PCNX1: variants seen among roughly 807,000 people sequenced by gnomAD.
The protein encoded by PCNX1 is pecanex 1.
PCNX1 carries 78 observed loss-of-function variants against 242.2 expected under a neutral mutation model. The observed-to-expected ratio is 0.32, with a 90% CI of 0.27 to 0.39. PCNX1 has a LOEUF of 0.39. PCNX1 is among the 10% of genes least tolerant of loss of function. PCNX1 has a pLI of 1.00. For synonymous variants in PCNX1, 1,024 were observed against 1,032.9 expected, an observed-to-expected ratio of 0.99 and a Z score of 0.17; for missense variants, 2,581 against 2,856.5, an observed-to-expected ratio of 0.90 and a Z score of 2.20.
chr14:71,111,658 AAGTAAAT>A lies in PCNX1; in HGVS notation c.*1727_*1733del, dbSNP rs1194219170. ...ACAGTAGAAGGAATGAAAACTAAGAAAGTAAATAGTGAACATACAGAACTTACTGCAT... is the reference window on the plus strand; with the variant it reads ...ACAGTAGAAGGAATGAAAACTAAGAAAGTGAACATACAGAACTTACTGCAT... On this transcript the variant is annotated 3_prime_UTR_variant, in exon 36 of 36. Transcript: ENST00000304743. 1 of 152,124 alleles carries A rather than the reference AAGTAAAT, an allele frequency of 6.6e-6. No homozygotes were observed. The highest frequency in any genetic ancestry group is 1.5e-5 in the Non-Finnish European group (1 of 67,960). 9.4% of individuals were successfully genotyped at this position (152,124 alleles called of 1,614,324 possible). A position where few individuals can be genotyped will look rare whatever the true frequency, so the allele number is the denominator to read the frequency against.
Position 71,057,655 on chromosome 14 carries a change from G to T in PCNX1, c.4783G>T (p.Ala1595Ser). ...CFILASDYLN[A>S]LVHLIEIGNG... ...CATCCTTGCCTCTGACTATCTCAATGCATTAGTACACCTTATAGAGATAGG... is the reference window on the plus strand; with the variant it reads ...CATCCTTGCCTCTGACTATCTCAATTCATTAGTACACCTTATAGAGATAGG... The change falls in exon 26 of 36, where the codon GCA becomes TCA. Residue 1595 changes from alanine to serine, a missense_variant. This residue lies in a region of PCNX1 where 54 missense variants were observed against 45.3 expected (regional missense o/e 1.19). Coordinates refer to ENST00000304743, the MANE Select transcript of PCNX1 (RefSeq NM_014982.3). 6.2e-7 allele frequency: 1 copy of T among 1,613,910 alleles called. No individual in the cohort carries two copies. Among genetic ancestry groups the T allele is most frequent in the Non-Finnish European group, 8.5e-7 (1 of 1,179,846 alleles).
At chr14:71,054,258 T>C (rs1433379776) in intron 24 of PCNX1, among the ~76,000 whole-genome samples, 1 of 152,248 alleles carries the variant, frequency 6.6e-6, no homozygotes, top group Non-Finnish European at 1.5e-5. Flanking sequence ...CTGTCTTATA[T>C]CCTGAATGGA....
chr14:70,982,522 C>T (rs1008255783), intron 6 of PCNX1, among the ~76,000 whole-genome samples: 2 of 152,168 alleles, frequency 1.3e-5, no homozygotes, highest in African/African-American at 4.8e-5. Flanking sequence ...ATGCTATACT[C>T]ATTGTATATG....
intron 21 of PCNX1, among the ~76,000 whole-genome samples, 180 bp downstream of exon 21, chr14:71,047,285 A>T (rs543072617): frequency 1.3e-5 from 2 of 152,114 alleles, no homozygotes; most frequent in African/African-American, 4.8e-5. Context: ...TGCTGTTGGC[A>T]TATTCTGTAC....
At chr14:71,068,443 T>C (rs1490131912) in intron 26 of PCNX1, among the ~76,000 whole-genome samples, 3 of 149,270 alleles carry the variant, frequency 2.0e-5, no homozygotes, top group Non-Finnish European at 3.0e-5. Context: ...TATGTATGTA[T>C]ATGTATATAT....
At chr14:71,107,705 G>A (rs1006367388) in intron 33 of PCNX1, among the ~76,000 whole-genome samples, 5 of 152,298 alleles carry the variant, frequency 3.3e-5, no homozygotes, top group Admixed American at 2.6e-4. Flanking sequence ...AAATTACAGC[G>A]TGGTATTCAC....
intron 7 of PCNX1, among the ~76,000 whole-genome samples, chr14:70,991,044 G>C (rs543643666): frequency 6.6e-6 from 1 of 151,978 alleles, no homozygotes; most frequent in East Asian, 1.9e-4. Context: ...ATACCACTTA[G>C]CAAACATATG....
intron 26 of PCNX1, among the ~76,000 whole-genome samples, chr14:71,068,226 G>T (rs1227208811): frequency 6.6e-6 from 1 of 152,008 alleles, no homozygotes; most frequent in Non-Finnish European, 1.5e-5. Flanking sequence ...AACTACTCAG[G>T]AGGCTGAGGC....
chr14:71,074,587 C>T (rs1275993341), intron 27 of PCNX1, among the ~76,000 whole-genome samples: 7 of 152,278 alleles, frequency 4.6e-5, no homozygotes, highest in Non-Finnish European at 8.8e-5. Context: ...GCTGTACTCA[C>T]GGGCTGTTGT....
At chr14:71,084,391 C>T (rs545395586) in intron 28 of PCNX1, among the ~76,000 whole-genome samples, 17 of 152,306 alleles carry the variant, frequency 1.1e-4, no homozygotes, top group African/African-American at 2.9e-4. Context: ...CTGGGAGATC[C>T]GCTGCTCTCT....
intron 5 of PCNX1, among the ~76,000 whole-genome samples, chr14:70,973,260 A>G (rs1188157052): frequency 6.6e-6 from 1 of 151,198 alleles, no homozygotes; most frequent in Admixed American, 6.6e-5. Context: ...CTCAAAAAAA[A>G]AAAAAAAAAG....
At chr14:71,010,227 G>GT (rs1566694557) in intron 9 of PCNX1, among the ~76,000 whole-genome samples, 1 of 152,046 alleles carries the variant, frequency 6.6e-6, no homozygotes. Flanking sequence ...CAGTGGCACA[G>GT]TGTTTTCCCA....
At chr14:70,908,381 T>C (rs1342866149) in intron 1 of PCNX1, among the ~76,000 whole-genome samples, 1 of 151,872 alleles carries the variant, frequency 6.6e-6, no homozygotes, top group East Asian at 1.9e-4. Flanking sequence ...GGACGCCGCA[T>C]CCATCCTTGG....
chr14:71,043,961 A>C (rs1363171352), intron 19 of PCNX1, among the ~76,000 whole-genome samples: 2 of 152,120 alleles, frequency 1.3e-5, no homozygotes, highest in African/African-American at 4.8e-5. Flanking sequence ...TTCCAATTGT[A>C]TGGATTGTCA....
intron 1 of PCNX1, chr14:70,942,956 T>G (rs1282201126): frequency 6.6e-6 from 1 of 152,440 alleles, no homozygotes; most frequent in African/African-American, 2.4e-5. Flanking sequence ...TCTGATGGTT[T>G]TATAAGGGGC....
At position 70,947,030 on chromosome 14, in the gene PCNX1, T is replaced by A; in HGVS notation, c.269T>A (p.Val90Asp). The A allele has an allele frequency of 6.2e-7, 1 of 1,613,924 alleles. No individual in the cohort carries two copies. Among genetic ancestry groups the A allele is most frequent in the South Asian group, 1.1e-5 (1 of 91,050 alleles). The change falls in exon 2 of 36, where the codon GTT (valine) becomes GAT (aspartate). Residue 90 changes from valine to aspartate, a missense_variant. Physicochemically the swap from Val to Asp is radical, Grantham distance 152. Around this residue, in one of 9 missense-constraint regions of PCNX1, gnomAD observed 1,204 missense variants for 1,216.7 expected, o/e 0.99. Coordinates refer to ENST00000304743, the MANE Select transcript of PCNX1 (RefSeq NM_014982.3). ...CACAGAGCACTTGATGCTGGAGAAG[T>A]TGTAGATAGGACTGCAAATGAGTTC... ...RLHRALDAGE[V>D]VDRTANEFTD...
chr14:70,919,436 C>G (rs1401123509), intron 1 of PCNX1, among the ~76,000 whole-genome samples: 1 of 151,990 alleles, frequency 6.6e-6, no homozygotes, highest in Non-Finnish European at 1.5e-5. Context: ...CTTCTGTTAT[C>G]TGAGTTAAAT....
At chr14:70,925,820 C>T (rs562198892) in intron 1 of PCNX1, among the ~76,000 whole-genome samples, 2 of 152,112 alleles carry the variant, frequency 1.3e-5, no homozygotes, top group Non-Finnish European at 2.9e-5. Context: ...AACAGAGGCT[C>T]CTAGGGGTTA....
At chr14:71,093,958 GAC>G (rs2062204751) in intron 30 of PCNX1, 1 of 152,044 alleles carries the variant, frequency 6.6e-6, no homozygotes, top group African/African-American at 2.4e-5. Flanking sequence ...TGTGTTAATT[GAC>G]TATGTTATTA....
Sources: gnomAD v4.1 joint callset for allele counts (sites outside exome capture counted in the v4.1 genomes callset) on GRCh38, gnomAD v4.1.1 for gene constraint, gnomAD v4.1.1 regional missense constraint, MANE v1.5 for transcripts, NCBI Gene and HGNC (gene_info 2026-07-23, HGNC 2026-07-21) for gene names.